The following CSMD2 variants were observed in gnomAD, a reference collection of about 807,000 sequenced individuals.
CSMD2 encodes the protein CUB and Sushi multiple domains 2, also known as CUB and sushi domain-containing protein 2.
In CSMD2, 130 loss-of-function variants were observed where a neutral mutation model predicts 398.5. That is an observed-to-expected ratio of 0.33 (90% CI 0.28 to 0.38). The LOEUF (loss-of-function observed/expected upper bound fraction) is 0.38, where lower values mean the gene tolerates loss of function less well. Ranked by LOEUF, CSMD2 falls within the 10% of genes least tolerant of loss-of-function variation. The probability of loss-of-function intolerance (pLI) is 1.00; values close to 1 mark genes in which losing one functional copy is unlikely to be tolerated. For missense variants in CSMD2, 3,829 were observed against 4,764.9 expected, an observed-to-expected ratio of 0.80 and a Z score of 5.78; for synonymous variants, 1,828 against 1,908.5, an observed-to-expected ratio of 0.96 and a Z score of 1.10.
intron 39 of CSMD2, among the ~76,000 whole-genome samples, chr1:33,615,120 G>A (rs1030280093): frequency 1.3e-4 from 20 of 152,170 alleles, no homozygotes; most frequent in Admixed American, 5.2e-4. Context: ...CAGGGTGGGC[G>A]GCAGGGGAGG....
At chr1:33,703,572 A>C (rs1027396401) in intron 22 of CSMD2, among the ~76,000 whole-genome samples, 3 of 152,226 alleles carry the variant, frequency 2.0e-5, no homozygotes, top group African/African-American at 7.2e-5. Context: ...GCTGGTTTCA[A>C]AATGAATATG....
At chr1:33,766,341 C>T (rs1252621732) in intron 13 of CSMD2, among the ~76,000 whole-genome samples, 1 of 152,158 alleles carries the variant, frequency 6.6e-6, no homozygotes, top group Admixed American at 6.5e-5. Flanking sequence ...CCCAACCATT[C>T]TAACAGAGAA....
At position 33,526,685 on chromosome 1, in the gene CSMD2, G is replaced by A. The variant is rs1035280055; in HGVS notation, c.10234+511C>T. On this transcript the variant is annotated intron_variant, in intron 65 of 70. Coordinates refer to ENST00000373381, the MANE Select transcript of CSMD2 (RefSeq NM_001281956.2). ...AGTTTCTGATGCCAAATCTAGCCTC[G>A]TTTCCTGCATAATACACATGTTAAT... 7.2e-5 allele frequency among the ~76,000 whole-genome samples: 11 copies of A among 152,318 alleles called. No homozygotes were observed. In the South Asian group the frequency reaches 1.2e-3, roughly 17 times the overall value.
intron 6 of CSMD2, among the ~76,000 whole-genome samples, chr1:33,827,183 G>C (rs1318616992): frequency 6.6e-6 from 1 of 152,154 alleles, no homozygotes; most frequent in Non-Finnish European, 1.5e-5. Flanking sequence ...AAGAACCAGA[G>C]GGATCCTATT....
intron 3 of CSMD2, among the ~76,000 whole-genome samples, chr1:33,940,302 T>C (rs775857257): frequency 1.4e-4 from 21 of 152,120 alleles, no homozygotes; most frequent in Admixed American, 9.2e-4. Context: ...CTTAATCATC[T>C]GCAAAGACCC....
chr1:33,532,850 A>G (rs1445915999), intron 64 of CSMD2, among the ~76,000 whole-genome samples, 200 bp downstream of exon 64: 1 of 152,182 alleles, frequency 6.6e-6, no homozygotes, highest in African/African-American at 2.4e-5. Flanking sequence ...AAAAGGGGCA[A>G]CCCTTGGGGT....
chr1:33,946,287 G>A (rs925396920), intron 3 of CSMD2, among the ~76,000 whole-genome samples: 2 of 152,160 alleles, frequency 1.3e-5, no homozygotes, highest in Admixed American at 6.5e-5. Context: ...GTTGGATTCT[G>A]GAATAAGATA....
At chr1:34,094,776 A>T (rs1468097870) in intron 1 of CSMD2, among the ~76,000 whole-genome samples, 2 of 152,206 alleles carry the variant, frequency 1.3e-5, no homozygotes, top group African/African-American at 4.8e-5. Context: ...TGAGTGGCCT[A>T]CAAGGAGACT....
In CSMD2 at chr1:33,523,570, A is replaced by G. The variant is rs1021027351; in HGVS notation, c.10397-151T>C. 5.1e-6 allele frequency: 3 copies of G among 586,272 alleles called. No homozygotes were observed. In the African/African-American group the frequency reaches 5.6e-5, roughly 11 times the overall value. 36.3% of individuals were successfully genotyped at this position (586,272 alleles called of 1,614,324 possible). The stretch of plus-strand genomic sequence containing the variant: ...CCACATCCCTTTAAGTCGTAAGTGT[A>G]GTGTTGAGTGTGGGTTTGTGTAGGC... On this transcript the variant is annotated intron_variant, in intron 66 of 70. Transcript: ENST00000373381.
At chr1:33,673,571 G>C (rs1397715543) in intron 25 of CSMD2, among the ~76,000 whole-genome samples, 3 of 152,206 alleles carry the variant, frequency 2.0e-5, no homozygotes, top group Non-Finnish European at 4.4e-5. Context: ...CCCCAATCTA[G>C]CAAGGCAGGC....
chr1:33,971,569 G>A (rs76553385), intron 3 of CSMD2, among the ~76,000 whole-genome samples: 2,119 of 152,324 alleles, frequency 0.014, 85 homozygotes, highest in East Asian at 0.13. Context: ...AGCAGCTTCC[G>A]AGCAGCTCTT....
At chr1:33,687,458 A>T (rs1645095487) in intron 25 of CSMD2, among the ~76,000 whole-genome samples, 1 of 152,226 alleles carries the variant, frequency 6.6e-6, no homozygotes, top group South Asian at 2.1e-4. Context: ...AATTAATGAA[A>T]ACACAAGATC....
intron 53 of CSMD2, among the ~76,000 whole-genome samples, chr1:33,563,354 G>A (rs1658750046): frequency 6.6e-6 from 1 of 152,078 alleles, no homozygotes; most frequent in Non-Finnish European, 1.5e-5. Flanking sequence ...ACTGGTGGAG[G>A]GATTAACCAT....
intron 4 of CSMD2, 27 bp downstream of exon 4, chr1:33,935,733 C>G: frequency 5.7e-6 from 9 of 1,572,576 alleles, no homozygotes; most frequent in Non-Finnish European, 7.8e-6. Context: ...CTGCCCCACT[C>G]TGTCAGACCC....
intron 2 of CSMD2, among the ~76,000 whole-genome samples, chr1:34,055,029 A>G (rs537308811): frequency 1.3e-5 from 2 of 152,314 alleles, no homozygotes; most frequent in Non-Finnish European, 2.9e-5. Context: ...ACAGGAAATA[A>G]AACACTGTAA....
At chr1:34,157,650 C>CCCCA (rs1640934163) in intron 1 of CSMD2, among the ~76,000 whole-genome samples, 1 of 148,442 alleles carries the variant, frequency 6.7e-6, no homozygotes. Context: ...ATACTGCACA[C>CCCCA]CCCACCCTCT....
intron 3 of CSMD2, among the ~76,000 whole-genome samples, chr1:34,007,986 T>A (rs1373275804): frequency 6.6e-6 from 1 of 152,210 alleles, no homozygotes; most frequent in Admixed American, 6.5e-5. Context: ...AAAATGCAGT[T>A]TGAGTATAAA....
At chr1:33,957,032 G>T (rs962653339) in intron 3 of CSMD2, among the ~76,000 whole-genome samples, 1 of 151,576 alleles carries the variant, frequency 6.6e-6, no homozygotes, top group African/African-American at 2.4e-5. Flanking sequence ...CTACCTCAGG[G>T]CTCTTGCATT....
chr1:33,932,617 A>G (rs1434140886), intron 4 of CSMD2, among the ~76,000 whole-genome samples: 3 of 152,134 alleles, frequency 2.0e-5, no homozygotes, highest in African/African-American at 7.2e-5. Context: ...CTGGACACAA[A>G]GACACTGGGT....
Sources: allele counts gnomAD v4.1 joint callset (sites outside exome capture counted in the v4.1 genomes callset), GRCh38; gene constraint gnomAD v4.1.1; transcripts MANE v1.5; gene names NCBI Gene and HGNC (gene_info 2026-07-23, HGNC 2026-07-21).